KANK1: variants seen among roughly 807,000 people sequenced by gnomAD.
The protein encoded by KANK1 is KN motif and ankyrin repeat domains 1.
A neutral mutation model predicts 106.2 loss-of-function variants in KANK1; 109 were observed. The ratio of observed to expected loss-of-function variants is 1.03; its 90% CI spans 0.88 to 1.20. The LOEUF is 1.20. KANK1 is among the 50% of genes most tolerant of loss of function. The probability of loss-of-function intolerance (pLI) is 0.00; values close to 1 mark genes in which losing one functional copy is unlikely to be tolerated. For missense variants in KANK1, 2,399 were observed against 1,710.7 expected (o/e 1.40, Z -7.10); for synonymous variants, 873 against 652.2 (o/e 1.34, Z -5.16).
intron 3 of KANK1, among the ~76,000 whole-genome samples, chr9:476,287 G>A (rs979154898): frequency 9.2e-5 from 14 of 152,134 alleles, no homozygotes; most frequent in African/African-American, 2.9e-4. Flanking sequence ...TTGGGAGGCC[G>A]AGGCGGGTGG....
chr9:696,384 G>A (rs966893465), intron 2 of KANK1, among the ~76,000 whole-genome samples: 2 of 152,132 alleles, frequency 1.3e-5, no homozygotes, highest in African/African-American at 2.4e-5. Flanking sequence ...ACAGTTCCGC[G>A]TATATAGGCA....
At chr9:670,093 C>G (rs751832578) in intron 1 of KANK1, among the ~76,000 whole-genome samples, 4 of 152,098 alleles carry the variant, frequency 2.6e-5, no homozygotes, top group Non-Finnish European at 4.4e-5. Context: ...ACTTCAATCT[C>G]TGTTAAATTC....
chr9:505,615 C>G (rs2058717900), intron 1 of KANK1, among the ~76,000 whole-genome samples: 1 of 152,254 alleles, frequency 6.6e-6, no homozygotes, highest in South Asian at 2.1e-4. Flanking sequence ...TCTTGCGGGT[C>G]AGCACGAGCC....
In KANK1 at chr9:532,364, CTTTTTTTTTTT is replaced by C. The variant is rs1187078952; in HGVS notation, c.-84+27625_-84+27635del. Among the ~76,000 whole-genome samples the C allele has an allele frequency of 2.1e-4, 17 of 81,862 alleles. No individual in the cohort carries two copies. In the Middle Eastern group the frequency reaches 0.045, roughly 219 times the overall value. The allele number at this position is 81,862 out of a possible 152,430, so 53.7% of individuals were successfully genotyped here. ...TCAAGCGATTCTCCTGCCTCAAGCA[CTTTTTTTTTTT>C]TTTTTTTTTTTTTTACCATTTCAAT... On this transcript the variant is annotated intron_variant, in intron 1 of 11. Transcript: ENST00000382297.
At chr9:571,944 C>T (rs1819283359) in intron 1 of KANK1, among the ~76,000 whole-genome samples, 1 of 152,068 alleles carries the variant, frequency 6.6e-6, no homozygotes. Flanking sequence ...TGATAGTATT[C>T]CCAGGTTACT....
chr9:692,306 A>C (rs1196148464), intron 2 of KANK1, among the ~76,000 whole-genome samples: 1 of 151,086 alleles, frequency 6.6e-6, no homozygotes, highest in East Asian at 1.9e-4. Context: ...GAAGACACAA[A>C]GATTAAACTC....
At chr9:587,034 G>A (rs16920514) in intron 1 of KANK1, among the ~76,000 whole-genome samples, 7,369 of 152,188 alleles carry the variant, frequency 0.048, 596 homozygotes, top group African/African-American at 0.17. Flanking sequence ...CACTATACTG[G>A]ATGGACTTCT....
chr9:701,305 G>A (rs1443789921), intron 2 of KANK1, among the ~76,000 whole-genome samples: 5 of 152,126 alleles, frequency 3.3e-5, no homozygotes, highest in South Asian at 4.1e-4. Flanking sequence ...TAGAGGTGGG[G>A]TTTCTCCATG....
intron 1 of KANK1, among the ~76,000 whole-genome samples, chr9:550,479 T>C (rs961884781): frequency 6.6e-6 from 1 of 152,138 alleles, no homozygotes; most frequent in African/African-American, 2.4e-5. Context: ...GTGGCGTGGC[T>C]CACAGCTATA....
chr9:609,910 TTTTTA>T (rs1428974733), intron 1 of KANK1, among the ~76,000 whole-genome samples: 8 of 152,170 alleles, frequency 5.3e-5, no homozygotes, highest in Non-Finnish European at 1.2e-4. Context: ...CATAGAAATG[TTTTTA>T]TCTTTCTTAT....
At chr9:517,606 G>T (rs2059343659) in intron 1 of KANK1, among the ~76,000 whole-genome samples, 1 of 151,542 alleles carries the variant, frequency 6.6e-6, no homozygotes, top group South Asian at 2.1e-4. Flanking sequence ...ACACTTTCTA[G>T]AGAAGGTAAG....
intron 1 of KANK1, 47 bp from the exon 2 acceptor site, chr9:676,843 C>T (rs1207328213): frequency 1.4e-6 from 1 of 708,040 alleles, no homozygotes; most frequent in Non-Finnish European, 2.5e-6. Flanking sequence ...TTAGTTTGTA[C>T]ATTTTTTAAA....
At position 694,135 on chromosome 9, in the gene KANK1, T is replaced by G. The variant is rs1452622956; in HGVS notation, c.38-16669T>G. Among the ~76,000 whole-genome samples the G allele has an allele frequency of 5.3e-5, 8 of 152,308 alleles. No individual in the cohort carries two copies. The East Asian group carries it at 1.5e-3, about 29-fold the overall frequency. On this transcript the variant is annotated intron_variant, in intron 2 of 11. Transcript: ENST00000382297. ...CTCTGTTTTTCCAATAGGGAGTTGC[T>G]CAATATTCATTAAAGCTGGCTTCTT...
At chr9:624,528 G>A (rs1423561052) in intron 1 of KANK1, among the ~76,000 whole-genome samples, 1 of 152,134 alleles carries the variant, frequency 6.6e-6, no homozygotes, top group Non-Finnish European at 1.5e-5. Context: ...AACAGGCCGG[G>A]TGTGGTGGCT....
At chr9:510,889 C>G (rs900673443) in intron 1 of KANK1, among the ~76,000 whole-genome samples, 1 of 152,116 alleles carries the variant, frequency 6.6e-6, no homozygotes, top group Non-Finnish European at 1.5e-5. Flanking sequence ...GATAATTTCT[C>G]TAAGATGAAG....
At chr9:551,715 A>G (rs1794187651) in intron 1 of KANK1, among the ~76,000 whole-genome samples, 1 of 152,090 alleles carries the variant, frequency 6.6e-6, no homozygotes, top group South Asian at 2.1e-4. Context: ...GACGACATTA[A>G]AAAGATACCA....
chr9:539,051 T>G (rs911795377), intron 1 of KANK1, among the ~76,000 whole-genome samples: 1 of 152,056 alleles, frequency 6.6e-6, no homozygotes, highest in Admixed American at 6.6e-5. Context: ...TGGCTAATAT[T>G]TATATTTTTG....
intron 1 of KANK1, among the ~76,000 whole-genome samples, chr9:517,871 T>G (rs2059359664): frequency 6.6e-6 from 1 of 151,134 alleles, no homozygotes; most frequent in Non-Finnish European, 1.5e-5. Flanking sequence ...CCCAAGTAGC[T>G]GGAATTACGG....
intron 1 of KANK1, among the ~76,000 whole-genome samples, chr9:570,416 G>C (rs541795544): frequency 2.0e-5 from 3 of 152,240 alleles, no homozygotes; most frequent in Middle Eastern, 3.4e-3. Flanking sequence ...GGCCCAGCTG[G>C]GTGTACAGCT....
Sources: allele counts gnomAD v4.1 joint callset (sites outside exome capture counted in the v4.1 genomes callset), GRCh38; gene constraint gnomAD v4.1.1; transcripts MANE v1.5; gene names NCBI Gene and HGNC (gene_info 2026-07-23, HGNC 2026-07-21).